Variants in STK32C observed in about 807,000 individuals in gnomAD.
The protein encoded by STK32C is serine/threonine-protein kinase 32C.
A neutral mutation model predicts 56.5 loss-of-function variants in STK32C; 31 were observed. That is an observed-to-expected ratio of 0.55 (90% CI 0.41 to 0.74). The LOEUF (loss-of-function observed/expected upper bound fraction) is 0.74, where lower values mean the gene tolerates loss of function less well. STK32C is among the 30% of genes least tolerant of loss of function. The probability of loss-of-function intolerance (pLI) is 0.00; values close to 1 mark genes in which losing one functional copy is unlikely to be tolerated. For synonymous variants in STK32C, 309 were observed against 289.4 expected, an observed-to-expected ratio of 1.07 and a Z score of -0.69; for missense variants, 544 against 676.9, an observed-to-expected ratio of 0.80 and a Z score of 2.18.
intron 2 of STK32C, among the ~76,000 whole-genome samples, chr10:132,235,128 G>C (rs1393999764): frequency 1.4e-5 from 2 of 148,130 alleles, no homozygotes; most frequent in Non-Finnish European, 3.0e-5. Flanking sequence ...TATGAACCGT[G>C]TGAGTGGTGT....
At chr10:132,225,721 G>A in intron 5 of STK32C, 26 bp downstream of exon 5, 2 of 1,613,924 alleles carry the variant, frequency 1.2e-6, no homozygotes, top group South Asian at 2.2e-5. Context: ...CACCCACCTG[G>A]GCTGCCCACA....
chr10:132,221,810 A>G (rs2814198), intron 10 of STK32C, among the ~76,000 whole-genome samples: 99,288 of 130,490 alleles, frequency 0.76, 37,857 homozygotes, highest in East Asian at 0.84. Flanking sequence ...CCATCCCTGC[A>G]CACACTCACA....
intron 2 of STK32C, among the ~76,000 whole-genome samples, chr10:132,229,334 C>T (rs531768634): frequency 3.9e-5 from 6 of 152,250 alleles, no homozygotes; most frequent in African/African-American, 1.4e-4. Flanking sequence ...TGGCCCTGGG[C>T]TCCTGGCTGC....
chr10:132,296,934 G>A (rs1048635871), intron 1 of STK32C, among the ~76,000 whole-genome samples: 2 of 152,230 alleles, frequency 1.3e-5, no homozygotes, highest in Non-Finnish European at 2.9e-5. Context: ...GGGAGACCAC[G>A]GCAGGGGGTG....
chr10:132,252,350 G>A (rs898086757), intron 1 of STK32C, among the ~76,000 whole-genome samples: 20 of 152,262 alleles, frequency 1.3e-4, no homozygotes, highest in African/African-American at 3.9e-4. Flanking sequence ...CAAGGCCGTC[G>A]GGAGACATTT....
chr10:132,208,184 G>A (rs2062160057), intron 11 of STK32C, 33 bp from the exon 12 acceptor site: 1 of 1,305,014 alleles, frequency 7.7e-7, no homozygotes, highest in South Asian at 3.3e-5. Flanking sequence ...AGGGCGTTAT[G>A]CCCCCACCTC....
intron 1 of STK32C, among the ~76,000 whole-genome samples, chr10:132,299,298 A>G (rs1408969726): frequency 6.6e-6 from 1 of 152,010 alleles, no homozygotes; most frequent in Non-Finnish European, 1.5e-5. Context: ...CCCCAGCAGC[A>G]TGGATAGCTG....
At chr10:132,221,867 T>C (rs1319772761) in intron 10 of STK32C, among the ~76,000 whole-genome samples, 2 of 115,188 alleles carry the variant, frequency 1.7e-5, no homozygotes, top group Non-Finnish European at 4.1e-5. Context: ...CACGTGGCCA[T>C]CCCTGCACAC....
At chr10:132,222,570 C>G in intron 10 of STK32C, 71 bp downstream of exon 10, 1 of 1,576,678 alleles carries the variant, frequency 6.3e-7, no homozygotes, top group East Asian at 2.3e-5. Context: ...TCCCCACACG[C>G]CTTGCTCGGT....
rs1590120273 is a variant in STK32C, at chr10:132,209,174, T to A, written c.1252-73A>T. On this transcript the variant is annotated intron_variant, in intron 10 of 11. Coordinates refer to ENST00000298630, the MANE Select transcript of STK32C (RefSeq NM_173575.4). ...CCGCCCATGTCCCCTCAAGTGAGTG[T>A]CTGGGCATCCCCATCGGGCCTCCAC... 9.2e-6 allele frequency: 13 copies of A among 1,410,444 alleles called. No homozygotes were observed. The Admixed American group carries it at 1.5e-4, about 17-fold the overall frequency. The allele number at this position is 1,410,444 out of a possible 1,614,324, so 87.4% of individuals were successfully genotyped here. A position where few individuals can be genotyped will look rare whatever the true frequency, so the allele number is the denominator to read the frequency against.
At chr10:132,331,053 T>C (rs1195833518) in intron 1 of STK32C, among the ~76,000 whole-genome samples, 2 of 150,752 alleles carry the variant, frequency 1.3e-5, no homozygotes, top group East Asian at 2.0e-4. Context: ...ATACAAAAAT[T>C]AGCTGGACGT....
At chr10:132,292,571 A>T (rs1184743850) in intron 1 of STK32C, among the ~76,000 whole-genome samples, 1 of 152,190 alleles carries the variant, frequency 6.6e-6, no homozygotes. Flanking sequence ...ACACACATTC[A>T]TATATTCATG....
chr10:132,239,761 T>G (rs2063435040), intron 2 of STK32C, among the ~76,000 whole-genome samples: 1 of 152,252 alleles, frequency 6.6e-6, no homozygotes, highest in Non-Finnish European at 1.5e-5. Flanking sequence ...TCAGCCAGGC[T>G]TCCCGGACAC....
intron 1 of STK32C, among the ~76,000 whole-genome samples, chr10:132,289,903 T>A (rs1204621332): frequency 6.6e-6 from 1 of 152,176 alleles, no homozygotes; most frequent in Non-Finnish European, 1.5e-5. Flanking sequence ...AATAAGCACA[T>A]GAAAGAGTCG....
intron 1 of STK32C, among the ~76,000 whole-genome samples, chr10:132,262,753 CAA>C (rs34135037): frequency 2.7e-5 from 2 of 73,366 alleles, no homozygotes; most frequent in African/African-American, 9.1e-5. Flanking sequence ...GACTCCATCT[CAA>C]AAAAAAAAAA....
At chr10:132,310,424 G>C (rs1181256185), upstream of STK32C, among the ~76,000 whole-genome samples, 1 of 152,220 alleles carries the variant, frequency 6.6e-6, no homozygotes, top group Non-Finnish European at 1.5e-5. The surrounding 1 kb of genome is among the most constrained non-coding windows in gnomAD (Gnocchi z 4.6). Context: ...GCAAACACAA[G>C]ACTGAGCGTT....
intron 1 of STK32C, among the ~76,000 whole-genome samples, chr10:132,327,719 C>T (rs533306184): frequency 1.4e-4 from 22 of 152,184 alleles, no homozygotes; most frequent in Middle Eastern, 3.4e-3. Flanking sequence ...TCAGGTGATC[C>T]GCCCGCCTCA....
chr10:132,313,547 C>T (rs951530517), intron 1 of STK32C, among the ~76,000 whole-genome samples: 6 of 152,228 alleles, frequency 3.9e-5, no homozygotes, highest in African/African-American at 1.4e-4. Flanking sequence ...CAGAGGGCTG[C>T]GAGAGCAGGA....
At position 132,307,462 on chromosome 10, in the gene STK32C, C is replaced by A. The variant is rs918092284; in HGVS notation, c.262+110G>T. On this transcript the variant is annotated intron_variant, in intron 1 of 11. Transcript: ENST00000298630. The surrounding 1 kb of genome is among the most constrained non-coding windows in gnomAD (Gnocchi z 4.4). ...AGCTTCTCCGGAAGCCGGGGCGCCC[C>A]GGGAAGCCGTCCCGGACACCGGGGG... 5 of 1,255,584 alleles carry A rather than the reference C, an allele frequency of 4.0e-6. No individual in the cohort carries two copies. The highest frequency in any genetic ancestry group is 5.2e-6 in the Non-Finnish European group (5 of 966,404). The allele number at this position is 1,255,584 out of a possible 1,614,324, so 77.8% of individuals were successfully genotyped here.
Sources: gnomAD v4.1 joint callset for allele counts (sites outside exome capture counted in the v4.1 genomes callset) on GRCh38, gnomAD v4.1.1 for gene constraint, Gnocchi (gnomAD v3.1) non-coding constraint, MANE v1.5 for transcripts, NCBI Gene and HGNC (gene_info 2026-07-23, HGNC 2026-07-21) for gene names.